The following PTPN4 variants were observed in gnomAD, a reference collection of about 807,000 sequenced individuals.
PTPN4 encodes protein tyrosine phosphatase non-receptor type 4.
Under a neutral mutation model 135.5 loss-of-function variants are expected in PTPN4, and 49 were observed. That is an observed-to-expected ratio of 0.36 (90% CI 0.29 to 0.46). The LOEUF (loss-of-function observed/expected upper bound fraction) is 0.46, where lower values mean the gene tolerates loss of function less well. Among genes scored for constraint, PTPN4 ranks in the 20% least tolerant of loss-of-function variants. PTPN4 has a pLI of 1.00. For synonymous variants in PTPN4, 333 were observed against 369.9 expected (o/e 0.90, Z 1.14); for missense variants, 860 against 1,101.0 (o/e 0.78, Z 3.10).
intron 2 of PTPN4, among the ~76,000 whole-genome samples, chr2:119,813,346 C>G (rs944006509): frequency 6.6e-6 from 1 of 151,786 alleles, no homozygotes; most frequent in African/African-American, 2.4e-5. Flanking sequence ...CTCCCAGGTT[C>G]GAGCGATTCT....
intron 2 of PTPN4, among the ~76,000 whole-genome samples, chr2:119,826,507 C>T (rs776810527): frequency 7.2e-5 from 11 of 152,186 alleles, no homozygotes; most frequent in Non-Finnish European, 1.6e-4. Context: ...CATTTGGCAA[C>T]GTCTGTAGAC....
rs141649657 is a variant in PTPN4 at position 119,960,690 on chromosome 2, C to T, written c.2134-117C>T. 6.4e-5 allele frequency: 54 copies of T among 839,930 alleles called. 1 individual carries two copies. The highest frequency in any genetic ancestry group is 4.5e-4 in the Admixed American group (12 of 26,578). 52.0% of individuals were successfully genotyped at this position (839,930 alleles called of 1,614,324 possible). ...TGTTAATAAAGATTTGTTTTACTGA[C>T]GGCAGTTTATTGAGGTTAGTTGTAT... On this transcript the variant is annotated intron_variant, in intron 22 of 26. Transcript: ENST00000263708.
intron 9 of PTPN4, among the ~76,000 whole-genome samples, chr2:119,889,286 G>C (rs142440944): frequency 0.017 from 2,654 of 152,226 alleles, 28 homozygotes; most frequent in Middle Eastern, 0.034. Context: ...CGGTCGTGGT[G>C]GTGGGCACCT....
chr2:119,976,590 A>T (rs556820710), intron 26 of PTPN4, among the ~76,000 whole-genome samples: 85 of 152,254 alleles, frequency 5.6e-4, no homozygotes, highest in Middle Eastern at 6.8e-3. Context: ...TTCTGTTATA[A>T]ATAATTAGGC....
At position 119,981,176 on chromosome 2, in the gene PTPN4, A is replaced by G. The variant is rs1679687291; in HGVS notation, c.*4106A>G. On this transcript the variant is annotated 3_prime_UTR_variant, in exon 27 of 27. Transcript: ENST00000263708. ...TGGTAGTTACTTTATAGTTCAGATG[A>G]ATTTGCATTTCAGTCACTTATAGTA... 6.6e-6 allele frequency: 1 copy of G among 152,044 alleles called. No individual in the cohort carries two copies. The highest frequency in any genetic ancestry group is 2.4e-5 in the African/African-American group (1 of 41,438). 9.4% of individuals were successfully genotyped at this position (152,044 alleles called of 1,614,324 possible).
At chr2:119,800,079 T>C (rs1368433182) in intron 1 of PTPN4, among the ~76,000 whole-genome samples, 4 of 152,214 alleles carry the variant, frequency 2.6e-5, no homozygotes, top group Non-Finnish European at 4.4e-5. Flanking sequence ...GCGTAATGAC[T>C]TCATTCCTCC....
At chr2:119,812,771 T>C (rs755484128) in intron 2 of PTPN4, among the ~76,000 whole-genome samples, 8 of 152,200 alleles carry the variant, frequency 5.3e-5, no homozygotes, top group Non-Finnish European at 1.5e-5. Flanking sequence ...ATGTTTGCAT[T>C]AACAACTCAC....
At chr2:119,967,178 G>A (rs981656723) in intron 25 of PTPN4, among the ~76,000 whole-genome samples, 5 of 152,322 alleles carry the variant, frequency 3.3e-5, no homozygotes, top group South Asian at 2.1e-4. Flanking sequence ...GGGAGCGGTG[G>A]CCCATGCCTG....
intron 12 of PTPN4, 51 bp from the exon 13 acceptor site, chr2:119,926,547 A>G (rs1358310588): frequency 3.1e-6 from 4 of 1,286,264 alleles, no homozygotes; most frequent in Non-Finnish European, 4.4e-6. Flanking sequence ...TTGTCATTTT[A>G]TCTTATAGTT....
At chr2:119,877,691 G>A (rs1389134854) in intron 5 of PTPN4, 149 bp downstream of exon 5, 3 of 1,159,752 alleles carry the variant, frequency 2.6e-6, no homozygotes, top group Non-Finnish European at 3.5e-6. Flanking sequence ...CCAAGATAAC[G>A]TTTTCCTCCT....
At chr2:119,823,795 T>A (rs527863945) in intron 2 of PTPN4, among the ~76,000 whole-genome samples, 1 of 152,178 alleles carries the variant, frequency 6.6e-6, no homozygotes, top group Non-Finnish European at 1.5e-5. Flanking sequence ...TTTCTTCCAA[T>A]AGAATCTGTT....
In PTPN4 at chr2:119,857,080, T is replaced by C. The variant is rs138000885; in HGVS notation, c.139-5456T>C. On this transcript the variant is annotated intron_variant, in intron 2 of 26. Coordinates refer to ENST00000263708, the MANE Select transcript of PTPN4 (RefSeq NM_002830.4). ...AGATCTCCTATTTCTTTTTTACTTA[T>C]ATTTTTAAATTTTTTTTTATTTTGA... Among the ~76,000 whole-genome samples, 661 of 152,200 alleles carry C rather than the reference T, an allele frequency of 4.3e-3. 1 individual carries two copies. Among genetic ancestry groups the C allele is most frequent in the Middle Eastern group, 0.014 (4 of 294 alleles).
intron 2 of PTPN4, among the ~76,000 whole-genome samples, chr2:119,844,964 T>C (rs1047496781): frequency 6.6e-6 from 1 of 150,548 alleles, no homozygotes; most frequent in African/African-American, 2.4e-5. Context: ...CTGGGCACCA[T>C]TGAGCACTGA....
chr2:119,923,640 C>T (rs1446559830), intron 12 of PTPN4, among the ~76,000 whole-genome samples: 1 of 151,772 alleles, frequency 6.6e-6, no homozygotes, highest in Admixed American at 6.6e-5. Context: ...TCAGAATAAT[C>T]CTGATTAAAA....
intron 2 of PTPN4, among the ~76,000 whole-genome samples, chr2:119,847,476 C>A (rs1677522239): frequency 6.6e-6 from 1 of 151,786 alleles, no homozygotes; most frequent in Non-Finnish European, 1.5e-5. Flanking sequence ...TACAGGCATG[C>A]ACTACCACGC....
At chr2:119,851,495 A>G (rs1677590578) in intron 2 of PTPN4, among the ~76,000 whole-genome samples, 1 of 152,212 alleles carries the variant, frequency 6.6e-6, no homozygotes, top group Non-Finnish European at 1.5e-5. Context: ...ACCCTTCCCC[A>G]TGATTCTTTC....
chr2:119,818,879 A>C (rs187854987), intron 2 of PTPN4, among the ~76,000 whole-genome samples: 20 of 152,294 alleles, frequency 1.3e-4, no homozygotes, highest in Non-Finnish European at 2.5e-4. Context: ...TCATCAAGAT[A>C]TCTCTCCTCC....
intron 1 of PTPN4, among the ~76,000 whole-genome samples, chr2:119,796,860 T>TTG (rs112883330): frequency 2.4e-3 from 358 of 147,640 alleles, no homozygotes; most frequent in African/African-American, 7.3e-3. Flanking sequence ...GTCACTGTTT[T>TTG]TGTGTGTGTG....
intron 2 of PTPN4, among the ~76,000 whole-genome samples, chr2:119,853,302 G>A (rs926215340): frequency 6.6e-6 from 1 of 151,950 alleles, no homozygotes; most frequent in African/African-American, 2.4e-5. Flanking sequence ...CTAGTTTTAT[G>A]ACTTTATTAT....
Sources: gnomAD v4.1 joint callset for allele counts (sites outside exome capture counted in the v4.1 genomes callset) on GRCh38, gnomAD v4.1.1 for gene constraint, MANE v1.5 for transcripts, NCBI Gene and HGNC (gene_info 2026-07-23, HGNC 2026-07-21) for gene names.